ASIC2: variants seen among roughly 807,000 people sequenced by gnomAD.
The protein encoded by ASIC2 is acid sensing ion channel subunit 2, also known as acid-sensing ion channel 2.
In ASIC2, 25 loss-of-function variants were observed where a neutral mutation model predicts 57.3. The observed-to-expected ratio is 0.44, with a 90% CI of 0.32 to 0.61. ASIC2 has a LOEUF of 0.61. ASIC2 is among the 20% of genes least tolerant of loss of function. The pLI is 0.06. For synonymous variants in ASIC2, 319 were observed against 307.5 expected (o/e 1.04, Z -0.39); for missense variants, 641 against 738.1 (o/e 0.87, Z 1.52).
intron 1 of ASIC2, among the ~76,000 whole-genome samples, chr17:33,726,828 ACCT>A (rs1909576371): frequency 6.6e-6 from 1 of 152,166 alleles, no homozygotes; most frequent in South Asian, 2.1e-4. Flanking sequence ...GAAAGGTGTG[ACCT>A]CCTTCTGATC....
chr17:33,909,522 G>A (rs1053449667), intron 1 of ASIC2, among the ~76,000 whole-genome samples: 2 of 152,148 alleles, frequency 1.3e-5, no homozygotes, highest in African/African-American at 4.8e-5. Context: ...CATGGGCTAT[G>A]GAGCCCATAG....
At chr17:34,139,512 C>T (rs1047161945) in intron 1 of ASIC2, among the ~76,000 whole-genome samples, 3 of 152,070 alleles carry the variant, frequency 2.0e-5, no homozygotes, top group African/African-American at 4.8e-5. Flanking sequence ...ATAAATAAAA[C>T]GTGGTATACG....
upstream of ASIC2, among the ~76,000 whole-genome samples, chr17:33,295,765 A>G (rs568631364): frequency 6.6e-6 from 1 of 152,316 alleles, no homozygotes; most frequent in Non-Finnish European, 1.5e-5. Context: ...CAACTACTAT[A>G]CGCCAGGTAC....
At chr17:33,136,646 T>C (rs2142012774) in intron 1 of ASIC2, among the ~76,000 whole-genome samples, 1 of 152,360 alleles carries the variant, frequency 6.6e-6, no homozygotes, top group Middle Eastern at 3.4e-3. Flanking sequence ...CAGTGGTATC[T>C]GAGTCTGAAG....
chr17:33,037,439 C>T (rs554140461), intron 3 of ASIC2, among the ~76,000 whole-genome samples: 84 of 147,624 alleles, frequency 5.7e-4, no homozygotes, highest in Admixed American at 1.3e-3. Flanking sequence ...AGATACCCCT[C>T]CAGCCCTGCT....
At chr17:34,135,885 A>T (rs1912113414) in intron 1 of ASIC2, among the ~76,000 whole-genome samples, 1 of 151,856 alleles carries the variant, frequency 6.6e-6, no homozygotes, top group Non-Finnish European at 1.5e-5. Context: ...TCATTATTCT[A>T]AAAAAAATAA....
At chr17:34,030,148 T>C (rs190597678) in intron 1 of ASIC2, among the ~76,000 whole-genome samples, 47 of 152,344 alleles carry the variant, frequency 3.1e-4, no homozygotes, top group Admixed American at 2.8e-3. Flanking sequence ...GTGAAAGTTA[T>C]GAGGGTTTCT....
chr17:33,577,344 T>A (rs1345738690), intron 1 of ASIC2, among the ~76,000 whole-genome samples: 1 of 152,128 alleles, frequency 6.6e-6, no homozygotes, highest in Admixed American at 6.5e-5. Flanking sequence ...AAGCATTTCC[T>A]TGTCAGAAAA....
chr17:33,874,466 A>T (rs892651670), intron 1 of ASIC2, among the ~76,000 whole-genome samples: 1 of 152,194 alleles, frequency 6.6e-6, no homozygotes, highest in African/African-American at 2.4e-5. Context: ...CTGTATTTTC[A>T]TTTGCTAAAC....
At chr17:33,536,948 G>A (rs1915252361) in intron 1 of ASIC2, among the ~76,000 whole-genome samples, 1 of 152,138 alleles carries the variant, frequency 6.6e-6, no homozygotes, top group African/African-American at 2.4e-5. Flanking sequence ...GGATATTGAG[G>A]CTACAATGAG....
At chr17:33,085,212 C>A (rs1311655742) in intron 3 of ASIC2, among the ~76,000 whole-genome samples, 1 of 152,110 alleles carries the variant, frequency 6.6e-6, no homozygotes, top group East Asian at 1.9e-4. Context: ...AAACTTTGAG[C>A]CAAAGCAGCA....
chr17:33,622,891 T>C (rs1289256931), intron 1 of ASIC2, among the ~76,000 whole-genome samples: 2 of 152,184 alleles, frequency 1.3e-5, no homozygotes, highest in Non-Finnish European at 2.9e-5. Context: ...AACTCAGTTA[T>C]CAGTTTAAAT....
intron 1 of ASIC2, among the ~76,000 whole-genome samples, chr17:33,503,434 G>C (rs902551468): frequency 2.0e-5 from 3 of 152,174 alleles, no homozygotes; most frequent in African/African-American, 7.2e-5. Flanking sequence ...TCAGGCAGCA[G>C]TGAGTGAATC....
At chr17:33,766,505 T>C (rs1279773279) in intron 1 of ASIC2, among the ~76,000 whole-genome samples, 3 of 152,220 alleles carry the variant, frequency 2.0e-5, no homozygotes, top group Non-Finnish European at 2.9e-5. Context: ...CAAAGCACTC[T>C]TCTCCCTCAG....
At chr17:33,180,672 G>A (rs894633995) in intron 1 of ASIC2, among the ~76,000 whole-genome samples, 6 of 152,172 alleles carry the variant, frequency 3.9e-5, no homozygotes, top group African/African-American at 1.4e-4. Context: ...TTTCTACTGG[G>A]AACCTGGGCT....
In ASIC2 at chr17:33,252,829, A is replaced by T. The variant is rs115370158; in HGVS notation, c.708+38579T>A. On this transcript the variant is annotated intron_variant, in intron 1 of 9. Transcript: ENST00000225823. ...TGGCTTTTCATTGGGCTATGGCCAC[A>T]TCTCTCCATTTTAACAACATACTCG... Among the ~76,000 whole-genome samples, 672 of 152,104 alleles carry T rather than the reference A, an allele frequency of 4.4e-3. 4 individuals are homozygous for T. The highest frequency in any genetic ancestry group is 0.015 in the African/African-American group (614 of 41,466).
chr17:33,433,077 G>A (rs549823992), intron 1 of ASIC2, among the ~76,000 whole-genome samples: 17 of 152,214 alleles, frequency 1.1e-4, no homozygotes, highest in Middle Eastern at 3.4e-3. Flanking sequence ...AATAGAAATC[G>A]TTCTATCATA....
chr17:33,084,033 A>T (rs1411799840), intron 3 of ASIC2, among the ~76,000 whole-genome samples: 1 of 152,062 alleles, frequency 6.6e-6, no homozygotes, highest in Non-Finnish European at 1.5e-5. Context: ...GAGAGGGTTT[A>T]TCTCACATCC....
chr17:33,873,241 C>T (rs894408838), intron 1 of ASIC2, among the ~76,000 whole-genome samples: 3 of 152,128 alleles, frequency 2.0e-5, no homozygotes, highest in Non-Finnish European at 2.9e-5. Context: ...AAGGATTATC[C>T]CCCTTCCCAG....
Sources: gnomAD v4.1 joint callset for allele counts (sites outside exome capture counted in the v4.1 genomes callset) on GRCh38, gnomAD v4.1.1 for gene constraint, MANE v1.5 for transcripts, NCBI Gene and HGNC (gene_info 2026-07-23, HGNC 2026-07-21) for gene names.